CBFA2T3: variants seen among roughly 807,000 people sequenced by gnomAD.
The protein encoded by CBFA2T3 is CBFA2/RUNX1 partner transcriptional co-repressor 3, also known as transcriptional corepressor CBFA2T3.
In CBFA2T3, 31 loss-of-function variants were observed where a neutral mutation model predicts 58.6. That is an observed-to-expected ratio of 0.53 (90% CI 0.40 to 0.71). The LOEUF (loss-of-function observed/expected upper bound fraction) is 0.71. CBFA2T3 is among the 30% of genes least tolerant of loss of function. CBFA2T3 has a pLI of 0.00. For missense variants in CBFA2T3, 1,076 were observed against 963.1 expected (o/e 1.12, Z -1.55); for synonymous variants, 531 against 421.9 (o/e 1.26, Z -3.17).
chr16:88,886,099 C>A lies in CBFA2T3; in HGVS notation c.755G>T (p.Arg252Leu). ...LLQRELLHCA[R>L]LAKQTPAQYL... ...CTGGGCGGGCGTCTGCTTGGCCAGGCGTGCACAGTGCAGGAGCTCCCGCTG... is the reference window on the plus strand; with the variant it reads ...CTGGGCGGGCGTCTGCTTGGCCAGGAGTGCACAGTGCAGGAGCTCCCGCTG... Residue 252 changes from arginine to leucine, a missense_variant, in exon 6 of 12, where the codon CGC becomes CTC. By Grantham distance (102) the Arg-to-Leu change is moderately radical (BLOSUM62 -2). Transcript: ENST00000268679. The A allele has an allele frequency of 6.3e-7, 1 of 1,587,462 alleles. No homozygotes were observed. The highest frequency in any genetic ancestry group is 8.5e-7 in the Non-Finnish European group (1 of 1,174,446).
intron 1 of CBFA2T3, among the ~76,000 whole-genome samples, chr16:88,912,312 T>TG (rs985590310): frequency 6.6e-6 from 1 of 152,228 alleles, no homozygotes; most frequent in African/African-American, 2.4e-5. Context: ...ATGCGGAAGA[T>TG]GGGACAAAGT....
intron 1 of CBFA2T3, among the ~76,000 whole-genome samples, chr16:88,962,746 A>G (rs1253867374): frequency 1.3e-5 from 2 of 152,178 alleles, no homozygotes; most frequent in Non-Finnish European, 2.9e-5. Context: ...GGGTGTCTTT[A>G]GATGTCGCCT....
rs897864466 is a variant in CBFA2T3, at chr16:88,876,569, G to A, written c.*407C>T. On this transcript the variant is annotated 3_prime_UTR_variant, in exon 12 of 12. Coordinates refer to ENST00000268679, the MANE Select transcript of CBFA2T3 (RefSeq NM_005187.6). ...ACCAATTCGATTTTTTCATTGAAGA[G>A]AAAGTGTGTGATAGTCATAGAGAGA... 7.8e-6 allele frequency: 2 copies of A among 256,120 alleles called. No individual in the cohort carries two copies. The highest frequency in any genetic ancestry group is 1.1e-4 in the Admixed American group (2 of 18,342). The allele number at this position is 256,120 out of a possible 1,614,324, so 15.9% of individuals were successfully genotyped here.
chr16:88,916,430 G>C (rs1970735031), intron 1 of CBFA2T3, among the ~76,000 whole-genome samples: 1 of 152,010 alleles, frequency 6.6e-6, no homozygotes. Context: ...GGCTGTGTCC[G>C]TGTGTGTGTG....
chr16:88,900,382 G>C (rs1023097541), intron 2 of CBFA2T3, among the ~76,000 whole-genome samples: 1 of 152,272 alleles, frequency 6.6e-6, no homozygotes, highest in Non-Finnish European at 1.5e-5. Flanking sequence ...TCCAGATGGA[G>C]GGGAGATGAT....
At chr16:88,929,067 C>A (rs1971185431) in intron 1 of CBFA2T3, among the ~76,000 whole-genome samples, 1 of 151,158 alleles carries the variant, frequency 6.6e-6, no homozygotes, top group Non-Finnish European at 1.5e-5. Context: ...TTCCATCTGG[C>A]TGCCGAGTGC....
intron 2 of CBFA2T3, among the ~76,000 whole-genome samples, chr16:88,898,424 T>C (rs1160986185): frequency 1.3e-5 from 2 of 152,232 alleles, no homozygotes; most frequent in Non-Finnish European, 2.9e-5. Flanking sequence ...GACGGGGCTC[T>C]GTCACCACCT....
intron 5 of CBFA2T3, chr16:88,887,071 G>A (rs1045742246): frequency 6.6e-5 from 10 of 152,240 alleles, no homozygotes; most frequent in South Asian, 2.1e-4. Context: ...CCAGGGCCCA[G>A]CAGCAGGCCA....
At chr16:88,967,485 A>G (rs1972544566) in intron 1 of CBFA2T3, among the ~76,000 whole-genome samples, 1 of 151,688 alleles carries the variant, frequency 6.6e-6, no homozygotes, top group Non-Finnish European at 1.5e-5. Flanking sequence ...TGCCCCATTT[A>G]CCGATGAGGA....
chr16:88,889,455 C>A (rs1049137217), intron 5 of CBFA2T3, among the ~76,000 whole-genome samples: 3 of 151,466 alleles, frequency 2.0e-5, no homozygotes, highest in African/African-American at 4.9e-5. Flanking sequence ...GATGTGGGGT[C>A]CCCTTGGGGA....
intron 1 of CBFA2T3, chr16:88,951,443 G>A (rs1972070495): frequency 3.4e-5 from 14 of 408,074 alleles, no homozygotes; most frequent in South Asian, 2.3e-4. Flanking sequence ...CTTCTTTTCT[G>A]TTACCTGTAT....
intron 1 of CBFA2T3, chr16:88,940,044 A>G (rs1326118042): frequency 6.6e-6 from 1 of 152,452 alleles, no homozygotes; most frequent in Non-Finnish European, 1.5e-5. Flanking sequence ...GACGCACAGA[A>G]GCCGCACCCT....
intron 1 of CBFA2T3, among the ~76,000 whole-genome samples, chr16:88,929,361 A>G (rs891760574): frequency 6.6e-6 from 1 of 152,120 alleles, no homozygotes; most frequent in African/African-American, 2.4e-5. Context: ...CTGCGGGAGG[A>G]CCCGGTGACA....
chr16:88,924,127 G>C (rs988658324), intron 1 of CBFA2T3, among the ~76,000 whole-genome samples: 1 of 143,950 alleles, frequency 6.9e-6, no homozygotes, highest in African/African-American at 2.6e-5. Flanking sequence ...CTGGGCTAAA[G>C]CAAGGACCCC....
chr16:88,901,282 G>A (rs1488953293), intron 2 of CBFA2T3, among the ~76,000 whole-genome samples: 2 of 152,252 alleles, frequency 1.3e-5, no homozygotes, highest in African/African-American at 4.8e-5. Context: ...AGGAAGCCCA[G>A]GCCCCCCGGA....
intron 1 of CBFA2T3, among the ~76,000 whole-genome samples, chr16:88,961,345 T>C (rs1372120621): frequency 2.6e-5 from 4 of 152,140 alleles, no homozygotes; most frequent in Admixed American, 6.5e-5. Flanking sequence ...CACCACATAG[T>C]GACTGACCCT....
At chr16:88,897,985 G>C (rs572614658) in intron 3 of CBFA2T3, 93 bp downstream of exon 3, 5 of 924,168 alleles carry the variant, frequency 5.4e-6, no homozygotes, top group South Asian at 3.9e-5. Context: ...GGGGAGGAGA[G>C]CTGAGCGCCC....
chr16:88,905,836 C>T (rs895310298), intron 1 of CBFA2T3, among the ~76,000 whole-genome samples: 13 of 151,262 alleles, frequency 8.6e-5, no homozygotes, highest in East Asian at 3.9e-4. Flanking sequence ...AGCTGCAGGA[C>T]AGGTGCTTTC....
chr16:88,939,693 ACAGCCCGACCCCAGAGGCACACAGAGC>A (rs1293005240), intron 1 of CBFA2T3: 1 of 152,298 alleles, frequency 6.6e-6, no homozygotes, highest in Non-Finnish European at 1.5e-5. Flanking sequence ...GGCAAAGGAC[ACAGCCCGACCCCAGAGGCACACAGAGC>A]CAGCCCTCCA....
Sources: allele counts gnomAD v4.1 joint callset (sites outside exome capture counted in the v4.1 genomes callset), GRCh38; gene constraint gnomAD v4.1.1; transcripts MANE v1.5; gene names NCBI Gene and HGNC (gene_info 2026-07-23, HGNC 2026-07-21).